EFR3B: variants seen among roughly 807,000 people sequenced by gnomAD.
EFR3B encodes the protein EFR3 homolog B, also known as protein EFR3 homolog B.
EFR3B carries 64 observed loss-of-function variants against 104.7 expected under a neutral mutation model. The observed-to-expected ratio is 0.61, with a 90% CI of 0.50 to 0.75. The LOEUF is 0.75. Ranked by LOEUF, EFR3B falls within the 30% of genes least tolerant of loss-of-function variation. The probability of loss-of-function intolerance (pLI) is 0.00; values close to 1 mark genes in which losing one functional copy is unlikely to be tolerated. For missense variants in EFR3B, 750 were observed against 1,078.5 expected (o/e 0.70, Z 4.27); for synonymous variants, 385 against 417.9 (o/e 0.92, Z 0.96).
chr2:25,059,875 CAAAAAAAAAAAAAA>C (rs773320701), intron 1 of EFR3B, among the ~76,000 whole-genome samples: 2 of 48,742 alleles, frequency 4.1e-5, no homozygotes, highest in African/African-American at 9.1e-5. Flanking sequence ...AACTCTGTCT[CAAAAAAAAAAAAAA>C]AAAAAAAAAA....
At chr2:25,082,362 A>C (rs1435458077) in intron 1 of EFR3B, among the ~76,000 whole-genome samples, 1 of 152,200 alleles carries the variant, frequency 6.6e-6, no homozygotes, top group Non-Finnish European at 1.5e-5. Context: ...ACTCTGACCC[A>C]GGCTCCCTGA....
intron 3 of EFR3B, 140 bp from the exon 4 acceptor site, chr2:25,103,497 C>A: frequency 8.4e-7 from 1 of 1,187,452 alleles, no homozygotes; most frequent in Non-Finnish European, 1.2e-6. Context: ...AAAGGCTATC[C>A]AGACGTTGGC....
In EFR3B at chr2:25,156,450, ACCACGC is replaced by A. The variant is rs1671173263; in HGVS notation, c.*2112_*2117del. On this transcript the variant is annotated 3_prime_UTR_variant, in exon 23 of 23. Coordinates refer to ENST00000403714, the MANE Select transcript of EFR3B (RefSeq NM_014971.2). ...GTAGCTGGGATTACAGGCGTGCACCACCACGCCTGGCGAATTTTGTGTTTTTAGTAG... is the reference window on the plus strand; with the variant it reads ...GTAGCTGGGATTACAGGCGTGCACCACTGGCGAATTTTGTGTTTTTAGTAG... The A allele has an allele frequency of 6.6e-6, 1 of 151,816 alleles. No homozygotes were observed. Among genetic ancestry groups the A allele is most frequent in the Non-Finnish European group, 1.5e-5 (1 of 67,974 alleles). The allele number at this position is 151,816 out of a possible 1,614,324, so 9.4% of individuals were successfully genotyped here.
chr2:25,074,395 G>T (rs556866359), intron 1 of EFR3B, among the ~76,000 whole-genome samples: 4 of 151,900 alleles, frequency 2.6e-5, no homozygotes, highest in African/African-American at 9.7e-5. Context: ...GCAAAATCCC[G>T]TCTCTACTAA....
chr2:25,122,973 C>T (rs894705648), intron 5 of EFR3B, among the ~76,000 whole-genome samples: 8 of 152,150 alleles, frequency 5.3e-5, no homozygotes, highest in Non-Finnish European at 7.3e-5. Context: ...TCTTGCCTTA[C>T]GGGATACGCT....
chr2:25,111,433 G>T (rs578249177), intron 4 of EFR3B, among the ~76,000 whole-genome samples: 1 of 151,908 alleles, frequency 6.6e-6, no homozygotes, highest in Admixed American at 6.6e-5. Flanking sequence ...TCCCACCCTT[G>T]TTCACACTCC....
At chr2:25,132,874 C>A in intron 10 of EFR3B, 29 bp from the exon 11 acceptor site, 1 of 1,539,728 alleles carries the variant, frequency 6.5e-7, no homozygotes, top group Non-Finnish European at 8.8e-7. Flanking sequence ...CTGTGCCTCA[C>A]TGGGCACCCT....
In EFR3B at chr2:25,135,485, T is replaced by A; in HGVS notation, c.1330T>A (p.Cys444Ser). 1 of 1,551,748 alleles carries A rather than the reference T, an allele frequency of 6.4e-7. No individual in the cohort carries two copies. Among genetic ancestry groups the A allele is most frequent in the Admixed American group, 2.0e-5 (1 of 51,002 alleles). The change falls in exon 13 of 23, where the codon TGC (cysteine) becomes AGC (serine). Residue 444 changes from cysteine to serine, a missense_variant. Physicochemically the swap from Cys to Ser is moderately radical, Grantham distance 112. Transcript: ENST00000403714. ...SLLQVSTGFQCNNMMSALPSN... is the reference protein window; with the variant it reads ...SLLQVSTGFQSNNMMSALPSN... ...CTTGCAGGTATCCACAGGTTTCCAG[T>A]GCAACAACATGATGTCAGCCCTGCC...
At chr2:25,047,581 C>T (rs1667757349) in intron 1 of EFR3B, among the ~76,000 whole-genome samples, 1 of 152,116 alleles carries the variant, frequency 6.6e-6, no homozygotes, top group African/African-American at 2.4e-5. Context: ...TCACTGCAAC[C>T]TCCACCTCCC....
intron 1 of EFR3B, among the ~76,000 whole-genome samples, chr2:25,071,128 T>G (rs1454418343): frequency 6.6e-6 from 1 of 151,982 alleles, no homozygotes; most frequent in Non-Finnish European, 1.5e-5. Context: ...GCCCAGCTAA[T>G]TTTTTGTATT....
intron 1 of EFR3B, among the ~76,000 whole-genome samples, chr2:25,051,545 AT>A (rs1667868829): frequency 6.6e-6 from 1 of 151,768 alleles, no homozygotes; most frequent in African/African-American, 2.4e-5. Context: ...CCGCATGGCC[AT>A]TCATCACTAA....
Position 25,081,717 on chromosome 2 carries a change from C to T in EFR3B, c.8-9608C>T. 1.0e-5 allele frequency: 5 copies of T among 497,900 alleles called. No individual in the cohort carries two copies. In the South Asian group the frequency reaches 1.5e-4, roughly 15 times the overall value. 30.8% of individuals were successfully genotyped at this position (497,900 alleles called of 1,614,324 possible). A position where few individuals can be genotyped will look rare whatever the true frequency, so the allele number is the denominator to read the frequency against. ...CCGAGTGAGACCCATTCCCTTGGTA[C>T]CGCCTGCAGCCGCACAGGCCCCTGG... On this transcript the variant is annotated intron_variant, in intron 1 of 22. Coordinates refer to ENST00000403714, the MANE Select transcript of EFR3B (RefSeq NM_014971.2).
intron 17 of EFR3B, among the ~76,000 whole-genome samples, chr2:25,141,833 C>A (rs1247776842): frequency 6.6e-6 from 1 of 152,158 alleles, no homozygotes; most frequent in Non-Finnish European, 1.5e-5. Context: ...TTTGCAAAAC[C>A]AAAATGTCTA....
At chr2:25,093,494 T>G (rs1669192740) in intron 3 of EFR3B, among the ~76,000 whole-genome samples, 1 of 150,996 alleles carries the variant, frequency 6.6e-6, no homozygotes, top group Non-Finnish European at 1.5e-5. Context: ...TAAGATTTTG[T>G]CTCAAAAAAA....
Position 25,103,796 on chromosome 2 carries a change from C to T in EFR3B, c.363+9C>T, listed in dbSNP as rs1005808720. On this transcript the variant is annotated intron_variant, in intron 4 of 22. Transcript: ENST00000403714. ...TCCTCGGCACCAACTCGGTAAGGAGCGGCCCAGGGGGCTCCAGGTCTCCCA... is the reference window on the plus strand; with the variant it reads ...TCCTCGGCACCAACTCGGTAAGGAGTGGCCCAGGGGGCTCCAGGTCTCCCA... 18 of 1,550,680 alleles carry T rather than the reference C, an allele frequency of 1.2e-5. No individual in the cohort carries two copies. The South Asian group carries it at 1.2e-4, about 10-fold the overall frequency.
In EFR3B at chr2:25,145,198, A is replaced by G. The variant is rs1359612503; in HGVS notation, c.2142+147A>G. On this transcript the variant is annotated intron_variant, in intron 19 of 22. Coordinates refer to ENST00000403714, the MANE Select transcript of EFR3B (RefSeq NM_014971.2). ...TTCCACACTTGTACTGACTCTCCCC[A>G]CGTATGCGTCATAGATACTTCCCTT... 3 of 707,872 alleles carry G rather than the reference A, an allele frequency of 4.2e-6. No individual in the cohort carries two copies. In the East Asian group the frequency reaches 8.1e-5, roughly 19 times the overall value. The allele number at this position is 707,872 out of a possible 1,614,324, so 43.8% of individuals were successfully genotyped here. A position where few individuals can be genotyped will look rare whatever the true frequency, so the allele number is the denominator to read the frequency against.
chr2:25,109,209 C>G (rs891943755), intron 4 of EFR3B, among the ~76,000 whole-genome samples: 1 of 150,624 alleles, frequency 6.6e-6, no homozygotes, highest in Non-Finnish European at 1.5e-5. Flanking sequence ...GCAAAGAACT[C>G]TCATAGATAT....
intron 21 of EFR3B, 28 bp downstream of exon 21, chr2:25,152,048 C>T (rs1443636203): frequency 1.3e-6 from 2 of 1,548,314 alleles, no homozygotes; most frequent in Admixed American, 2.0e-5. Flanking sequence ...TGGGCGAGTC[C>T]CTGGGAGCCA....
At chr2:25,064,398 G>A (rs866550552) in intron 1 of EFR3B, among the ~76,000 whole-genome samples, 5 of 152,188 alleles carry the variant, frequency 3.3e-5, no homozygotes, top group Admixed American at 6.5e-5. Context: ...TACTATATTT[G>A]ATACTGTGTG....
Sources: allele counts gnomAD v4.1 joint callset (sites outside exome capture counted in the v4.1 genomes callset), GRCh38; gene constraint gnomAD v4.1.1; transcripts MANE v1.5; gene names NCBI Gene and HGNC (gene_info 2026-07-23, HGNC 2026-07-21).